CRB1: variants seen among roughly 807,000 people sequenced by gnomAD.
CRB1 encodes the protein crumbs cell polarity complex component 1, also known as protein crumbs homolog 1.
A neutral mutation model predicts 120.0 loss-of-function variants in CRB1; 83 were observed. The observed-to-expected ratio is 0.69, with a 90% confidence interval of 0.58 to 0.83. CRB1 has a LOEUF of 0.83. Among genes scored for constraint, CRB1 ranks in the 40% least tolerant of loss-of-function variants. The probability of loss-of-function intolerance (pLI) is 0.00; values close to 1 mark genes in which losing one functional copy is unlikely to be tolerated. For missense variants in CRB1, 1,699 were observed against 1,687.6 expected, an observed-to-expected ratio of 1.01 and a Z score of -0.12; for synonymous variants, 625 against 612.5, an observed-to-expected ratio of 1.02 and a Z score of -0.30.
intron 5 of CRB1, among the ~76,000 whole-genome samples, chr1:197,393,725 C>A (rs1662628033): frequency 2.6e-5 from 4 of 152,022 alleles, no homozygotes; most frequent in Admixed American, 2.6e-4. Flanking sequence ...CCAATCATAG[C>A]CCACTATAAC....
At chr1:197,211,828 T>C in the CRB1 span, among the ~76,000 whole-genome samples, 2 of 151,540 alleles carry the variant, frequency 1.3e-5, no homozygotes, top group South Asian at 4.2e-4. Context: ...CAAAAGACAA[T>C]GTTAAGAAAA....
chr1:197,261,336 TA>T, the CRB1 span, among the ~76,000 whole-genome samples: 1 of 152,228 alleles, frequency 6.6e-6, no homozygotes, highest in African/African-American at 2.4e-5. Context: ...ATTGTTTGCA[TA>T]AAGTAAATTG....
chr1:197,208,480 T>TTAA, the CRB1 span, among the ~76,000 whole-genome samples: 20 of 152,216 alleles, frequency 1.3e-4, no homozygotes, highest in African/African-American at 4.1e-4. Flanking sequence ...ACTGCAATGA[T>TTAA]TTTTATTTTT....
At chr1:197,259,690 TAAAAAA>T in the CRB1 span, among the ~76,000 whole-genome samples, 14 of 152,020 alleles carry the variant, frequency 9.2e-5, no homozygotes, top group African/African-American at 3.4e-4. Flanking sequence ...AACTTAAAGT[TAAAAAA>T]AGAAAGAAGT....
At chr1:197,456,705 A>G (rs1666302065) in intron 11 of CRB1, among the ~76,000 whole-genome samples, 2 of 152,188 alleles carry the variant, frequency 1.3e-5, no homozygotes, top group African/African-American at 2.4e-5. Flanking sequence ...GTCAAGATCC[A>G]TAAAGACATA....
intron 5 of CRB1, among the ~76,000 whole-genome samples, chr1:197,419,926 G>A (rs1238657294): frequency 2.0e-5 from 3 of 148,168 alleles, no homozygotes; most frequent in Non-Finnish European, 3.0e-5. Flanking sequence ...AGTGAGCCAA[G>A]ATTGAGATTG....
At chr1:197,210,410 A>G in the CRB1 span, among the ~76,000 whole-genome samples, 1 of 152,160 alleles carries the variant, frequency 6.6e-6, no homozygotes, top group Non-Finnish European at 1.5e-5. Flanking sequence ...AGAAAAAGAA[A>G]TTATCTCCAG....
chr1:197,268,508 T>C (rs1654726026), intron 1 of CRB1, 26 bp downstream of exon 1: 1 of 1,510,062 alleles, frequency 6.6e-7, no homozygotes. Context: ...TTTGGGCATT[T>C]TTCCTGGTTT....
rs1659849919 is a variant in CRB1 at position 197,347,540 on chromosome 1, T to C, written c.988+61T>C. ...ATTTGTTTAGAATACACATATCGCT[T>C]ATAGCAAATGAAATGAAAAATTATT... On this transcript the variant is annotated intron_variant, in intron 4 of 11. Transcript: ENST00000367400. 13 of 1,503,998 alleles carry C rather than the reference T, an allele frequency of 8.6e-6. No individual in the cohort carries two copies. In the South Asian group the frequency reaches 1.4e-4, roughly 16 times the overall value. The allele number at this position is 1,503,998 out of a possible 1,614,324, so 93.2% of individuals were successfully genotyped here.
In CRB1 at chr1:197,303,247, G is replaced by A. The variant is rs987126420; in HGVS notation, c.71-25175G>A. Among the ~76,000 whole-genome samples the A allele has an allele frequency of 3.2e-4, 47 of 147,532 alleles. 1 individual carries two copies. Among genetic ancestry groups the A allele is most frequent in the African/African-American group, 1.1e-3 (45 of 39,974 alleles). On this transcript the variant is annotated intron_variant, in intron 1 of 11. Transcript: ENST00000367400. Reference sequence around the variant, plus strand: ...GCTGCACCCATTAACTCGTCATTTAGCATTAGGTATATCTCCTAATGCTAT... The same window carrying A: ...GCTGCACCCATTAACTCGTCATTTAACATTAGGTATATCTCCTAATGCTAT...
At chr1:197,371,061 A>T (rs1661344240) in intron 5 of CRB1, among the ~76,000 whole-genome samples, 1 of 152,066 alleles carries the variant, frequency 6.6e-6, no homozygotes, top group African/African-American at 2.4e-5. Context: ...CAGTTCATAT[A>T]CTTTAGAACT....
chr1:197,229,726 C>G, the CRB1 span, among the ~76,000 whole-genome samples: 2 of 152,112 alleles, frequency 1.3e-5, no homozygotes, highest in African/African-American at 4.8e-5. Context: ...TCTGTTTCTG[C>G]ATTAATTAGA....
chr1:197,266,467 G>A (rs2125192115), upstream of CRB1, among the ~76,000 whole-genome samples: 1 of 152,182 alleles, frequency 6.6e-6, no homozygotes, highest in Middle Eastern at 3.4e-3. Flanking sequence ...TGGGGATTAG[G>A]TTTCAACATG....
intron 5 of CRB1, among the ~76,000 whole-genome samples, chr1:197,405,958 G>A (rs1663363784): frequency 1.3e-5 from 2 of 150,860 alleles, no homozygotes; most frequent in Non-Finnish European, 3.0e-5. Context: ...AGGTGGGGGG[G>A]TCAGCCCCCC....
chr1:197,450,669 G>A (rs929442196), intron 11 of CRB1, among the ~76,000 whole-genome samples: 4 of 151,606 alleles, frequency 2.6e-5, no homozygotes, highest in South Asian at 4.2e-4. Flanking sequence ...GGCCGGGCGC[G>A]GTGGCTCATG....
At chr1:197,300,697 G>A (rs1278472913) in intron 1 of CRB1, among the ~76,000 whole-genome samples, 1 of 152,154 alleles carries the variant, frequency 6.6e-6, no homozygotes, top group Non-Finnish European at 1.5e-5. Flanking sequence ...TGGCTACACT[G>A]AAAAGCACAT....
intron 5 of CRB1, among the ~76,000 whole-genome samples, chr1:197,378,536 AAG>A (rs1226808098): frequency 6.6e-6 from 1 of 152,210 alleles, no homozygotes; most frequent in Non-Finnish European, 1.5e-5. Context: ...TTTCCAACAA[AAG>A]GGAACTAGAC....
At chr1:197,256,472 A>G in the CRB1 span, among the ~76,000 whole-genome samples, 1 of 152,096 alleles carries the variant, frequency 6.6e-6, no homozygotes, top group Non-Finnish European at 1.5e-5. Context: ...TGAGTTCCAG[A>G]TTCAAATATA....
chr1:197,337,117 T>C (rs115987516), intron 2 of CRB1, among the ~76,000 whole-genome samples: 2,260 of 152,262 alleles, frequency 0.015, 29 homozygotes, highest in Middle Eastern at 0.051. Context: ...ATTTGGTCAT[T>C]GCGGGGAAGC....
Sources: allele counts gnomAD v4.1 joint callset (sites outside exome capture counted in the v4.1 genomes callset), GRCh38; gene constraint gnomAD v4.1.1; transcripts MANE v1.5; gene names NCBI Gene and HGNC (gene_info 2026-07-23, HGNC 2026-07-21).